Variants in DCAF17 observed in about 807,000 individuals in gnomAD.
DCAF17 encodes DDB1- and CUL4-associated factor 17.
DCAF17 carries 48 observed loss-of-function variants against 66.0 expected under a neutral mutation model. That is an observed-to-expected ratio of 0.73 (90% CI 0.58 to 0.92). DCAF17 has a LOEUF of 0.92. Ranked by LOEUF, DCAF17 falls within the 40% of genes least tolerant of loss-of-function variation. The pLI is 0.00. For missense variants in DCAF17, 562 were observed against 622.8 expected (o/e 0.90, Z 1.04); for synonymous variants, 206 against 214.6 (o/e 0.96, Z 0.35).
intron 10 of DCAF17, among the ~76,000 whole-genome samples, chr2:171,475,461 A>G (rs1331037558): frequency 1.3e-5 from 2 of 152,170 alleles, no homozygotes; most frequent in Non-Finnish European, 2.9e-5. Context: ...GATGCTCAGT[A>G]TTTGTTGAAT....
In DCAF17 at chr2:171,484,584, AT is replaced by A. The variant is rs758748448; in HGVS notation, c.*3477del. ...AGTTTAGTATTTATTTAGTTTTTAA[AT>A]TTTTTTGATTTAAGATTTACCTGCA... On this transcript the variant is annotated 3_prime_UTR_variant, in exon 14 of 14. Transcript: ENST00000375255. 29 of 451,746 alleles carry A rather than the reference AT, an allele frequency of 6.4e-5. No individual in the cohort carries two copies. The highest frequency in any genetic ancestry group is 3.9e-4 in the South Asian group (25 of 63,468). 28.0% of individuals were successfully genotyped at this position (451,746 alleles called of 1,614,324 possible).
intron 9 of DCAF17, among the ~76,000 whole-genome samples, chr2:171,473,492 TTCTATTTG>T (rs1696355766): frequency 6.6e-6 from 1 of 152,160 alleles, no homozygotes; most frequent in African/African-American, 2.4e-5. Context: ...AAATGATTTA[TTCTATTTG>T]TGTATCAGTT....
intron 2 of DCAF17, among the ~76,000 whole-genome samples, chr2:171,441,978 A>G (rs1290895029): frequency 1.3e-5 from 2 of 152,190 alleles, no homozygotes; most frequent in African/African-American, 4.8e-5. Flanking sequence ...ATTCTTCAGG[A>G]TCATTTAATG....
chr2:171,445,740 T>G (rs1694582301), intron 3 of DCAF17, among the ~76,000 whole-genome samples: 2 of 152,186 alleles, frequency 1.3e-5, no homozygotes, highest in South Asian at 4.1e-4. Context: ...TGGAGTCCAG[T>G]GGCACAATCA....
rs757747726 is a variant in DCAF17, at chr2:171,478,012, C to G, written c.1208C>G (p.Ala403Gly). Residue 403 changes from alanine to glycine, a missense_variant, in exon 12 of 14, where the codon GCT (alanine) becomes GGT (glycine). Coordinates refer to ENST00000375255, the MANE Select transcript of DCAF17 (RefSeq NM_025000.4). ...HKNENVLTVT[A>G]SGRVVKKSFN... ...AATGAAAATGTACTCACTGTTACAGCTTCTGGACGGGTGGTAAAAAAAAGT... is the reference window on the plus strand; with the variant it reads ...AATGAAAATGTACTCACTGTTACAGGTTCTGGACGGGTGGTAAAAAAAAGT... The G allele has an allele frequency of 1.2e-6, 2 of 1,613,874 alleles. No individual in the cohort carries two copies. The highest frequency in any genetic ancestry group is 1.7e-6 in the Non-Finnish European group (2 of 1,179,824).
chr2:171,448,228 C>G (rs1382120466), intron 3 of DCAF17, among the ~76,000 whole-genome samples: 2 of 151,998 alleles, frequency 1.3e-5, no homozygotes, highest in Non-Finnish European at 2.9e-5. Context: ...ACCTCCCAGT[C>G]TCAAGCGATC....
At chr2:171,470,248 C>G (rs890553487) in intron 9 of DCAF17, among the ~76,000 whole-genome samples, 7 of 152,124 alleles carry the variant, frequency 4.6e-5, no homozygotes, top group Non-Finnish European at 8.8e-5. Flanking sequence ...GTCTCAAACT[C>G]CTGGCCTCAA....
rs949218997 is a variant in DCAF17 at position 171,484,633 on chromosome 2, A to G, written c.*3519A>G. ...GCAATAAAATGTACAAATCTTAAGT[A>G]TAAATTTACTGAGTTCTTGCAGACA... On this transcript the variant is annotated 3_prime_UTR_variant, in exon 14 of 14. Coordinates refer to ENST00000375255, the MANE Select transcript of DCAF17 (RefSeq NM_025000.4). The G allele has an allele frequency of 8.8e-6, 4 of 453,320 alleles. No homozygotes were observed. Among genetic ancestry groups the G allele is most frequent in the African/African-American group, 6.0e-5 (3 of 49,950 alleles). 28.1% of individuals were successfully genotyped at this position (453,320 alleles called of 1,614,324 possible). A position where few individuals can be genotyped will look rare whatever the true frequency, so the allele number is the denominator to read the frequency against.
intron 2 of DCAF17, among the ~76,000 whole-genome samples, chr2:171,440,942 G>A (rs1694273653): frequency 6.6e-6 from 1 of 152,218 alleles, no homozygotes; most frequent in South Asian, 2.1e-4. Context: ...CTTCCAGGCT[G>A]TTTTCGTCTT....
chr2:171,438,010 C>T (rs1694068421), intron 2 of DCAF17, among the ~76,000 whole-genome samples: 1 of 152,198 alleles, frequency 6.6e-6, no homozygotes, highest in African/African-American at 2.4e-5. Flanking sequence ...TATACCTTTT[C>T]CTCTAAGCAT....
At chr2:171,445,132 AT>A (rs145804939) in intron 3 of DCAF17, among the ~76,000 whole-genome samples, 190 of 146,558 alleles carry the variant, frequency 1.3e-3, no homozygotes, top group Middle Eastern at 3.5e-3. Context: ...TATTCTCACT[AT>A]TTTTTTTTTT....
intron 2 of DCAF17, 133 bp downstream of exon 2, chr2:171,435,319 C>A: frequency 1.4e-6 from 1 of 712,090 alleles, no homozygotes; most frequent in South Asian, 1.6e-5. Flanking sequence ...TAAGACTAGG[C>A]AGTAAAAAAT....
intron 12 of DCAF17, 33 bp from the exon 13 acceptor site, chr2:171,480,005 C>T (rs752019061): frequency 2.5e-6 from 4 of 1,610,936 alleles, no homozygotes; most frequent in East Asian, 2.2e-5. Flanking sequence ...GGATTTTGCC[C>T]CTTTCCCTCT....
chr2:171,440,597 A>C (rs1694251517), intron 2 of DCAF17, among the ~76,000 whole-genome samples: 1 of 152,206 alleles, frequency 6.6e-6, no homozygotes, highest in South Asian at 2.1e-4. Flanking sequence ...AATTTAAGAT[A>C]ATATTGGATA....
At chr2:171,476,564 A>G (rs1469995045) in intron 10 of DCAF17, among the ~76,000 whole-genome samples, 1 of 152,220 alleles carries the variant, frequency 6.6e-6, no homozygotes, top group Non-Finnish European at 1.5e-5. Context: ...GGTTCTTCAG[A>G]GTAACTTTCA....
chr2:171,438,469 T>C (rs1266047798), intron 2 of DCAF17, among the ~76,000 whole-genome samples: 1 of 152,232 alleles, frequency 6.6e-6, no homozygotes, highest in Non-Finnish European at 1.5e-5. Context: ...TAATAGTGAG[T>C]GGATTTATCT....
intron 10 of DCAF17, among the ~76,000 whole-genome samples, chr2:171,475,205 G>C (rs1696440625): frequency 2.0e-5 from 3 of 152,124 alleles, no homozygotes; most frequent in Admixed American, 6.6e-5. Flanking sequence ...TTATGGCCCA[G>C]CTTCAATGTC....
rs1161508597 is a variant in DCAF17, at chr2:171,484,958, AGTTT to A, written c.*3849_*3852del. 6 of 453,990 alleles carry A rather than the reference AGTTT, an allele frequency of 1.3e-5. No individual in the cohort carries two copies. The highest frequency in any genetic ancestry group is 2.2e-5 in the Non-Finnish European group (5 of 226,750). The allele number at this position is 453,990 out of a possible 1,614,324, so 28.1% of individuals were successfully genotyped here. ...GTATTCTTTCGTATGAATATATCAC[AGTTT>A]GTTTTTTTATCTTTCTGTTGATGGA... On this transcript the variant is annotated 3_prime_UTR_variant, in exon 14 of 14. Coordinates refer to ENST00000375255, the MANE Select transcript of DCAF17 (RefSeq NM_025000.4).
intron 8 of DCAF17, among the ~76,000 whole-genome samples, chr2:171,462,732 T>G (rs1246968467): frequency 6.6e-6 from 1 of 152,214 alleles, no homozygotes; most frequent in African/African-American, 2.4e-5. Flanking sequence ...TATTCACTTG[T>G]ACAGAAAGTG....
Sources: allele counts gnomAD v4.1 joint callset (sites outside exome capture counted in the v4.1 genomes callset), GRCh38; gene constraint gnomAD v4.1.1; transcripts MANE v1.5; gene names NCBI Gene and HGNC (gene_info 2026-07-23, HGNC 2026-07-21).